The following VEPH1 variants were observed in gnomAD, a reference collection of about 807,000 sequenced individuals.
VEPH1 encodes ventricular zone expressed PH domain containing 1, also known as ventricular zone-expressed PH domain-containing protein homolog 1.
A neutral mutation model predicts 85.2 loss-of-function variants in VEPH1; 80 were observed. The observed-to-expected ratio is 0.94, with a 90% CI of 0.78 to 1.13. VEPH1 has a LOEUF of 1.13. VEPH1 is among the 50% of genes most tolerant of loss of function. The pLI is 0.00. For synonymous variants in VEPH1, 297 were observed against 348.0 expected, an observed-to-expected ratio of 0.85 and a Z score of 1.63; for missense variants, 955 against 980.5, an observed-to-expected ratio of 0.97 and a Z score of 0.35.
intron 4 of VEPH1, among the ~76,000 whole-genome samples, chr3:157,444,564 C>T (rs140322036): frequency 1.7e-4 from 26 of 152,282 alleles, no homozygotes; most frequent in African/African-American, 5.8e-4. Flanking sequence ...ACACTGGGCA[C>T]ATGCAAAGTC....
At chr3:157,295,984 G>T (rs1718085564) in intron 11 of VEPH1, among the ~76,000 whole-genome samples, 1 of 151,878 alleles carries the variant, frequency 6.6e-6, no homozygotes, top group Non-Finnish European at 1.5e-5. Flanking sequence ...AATAAATTAT[G>T]GTCTATTTAC....
intron 4 of VEPH1, chr3:157,437,104 A>G (rs763314610): frequency 3.1e-6 from 5 of 1,603,222 alleles, no homozygotes; most frequent in Non-Finnish European, 3.4e-6. Flanking sequence ...CCCTGACTAC[A>G]TATCCACCTC....
At chr3:157,277,477 C>A (rs1371830388) in intron 12 of VEPH1, among the ~76,000 whole-genome samples, 1 of 152,186 alleles carries the variant, frequency 6.6e-6, no homozygotes, top group Non-Finnish European at 1.5e-5. Flanking sequence ...AACCATTGTC[C>A]TACCTGCCTG....
At position 157,409,788 on chromosome 3, in the gene VEPH1, TA is replaced by T. The variant is rs553414108; in HGVS notation, c.906+4092del. On this transcript the variant is annotated intron_variant, in intron 6 of 13. Coordinates refer to ENST00000362010, the MANE Select transcript of VEPH1 (RefSeq NM_001167912.2). The stretch of plus-strand genomic sequence containing the variant: ...TTATGCAAGCACAGAAGGTGAGGCA[TA>T]AGCCAATCAATAACTTGTGTGATTC... 766 of 985,354 alleles carry T rather than the reference TA, an allele frequency of 7.8e-4. 1 individual carries two copies. Among genetic ancestry groups the T allele is most frequent in the Non-Finnish European group, 8.6e-4 (713 of 829,920 alleles). 61.0% of individuals were successfully genotyped at this position (985,354 alleles called of 1,614,324 possible). A position where few individuals can be genotyped will look rare whatever the true frequency, so the allele number is the denominator to read the frequency against.
At chr3:157,439,012 GTTTCATTTAAA>G (rs1733904434) in intron 4 of VEPH1, among the ~76,000 whole-genome samples, 1 of 152,182 alleles carries the variant, frequency 6.6e-6, no homozygotes, top group Non-Finnish European at 1.5e-5. Context: ...ATGAGAGCAT[GTTTCATTTAAA>G]GTTACAGAAA....
intron 9 of VEPH1, among the ~76,000 whole-genome samples, chr3:157,322,833 T>C (rs1037457428): frequency 2.0e-5 from 3 of 152,194 alleles, no homozygotes; most frequent in African/African-American, 7.2e-5. Flanking sequence ...AATGAATAAA[T>C]AATACTGTCA....
chr3:157,478,089 T>A (rs903758449), intron 2 of VEPH1, among the ~76,000 whole-genome samples: 22 of 152,312 alleles, frequency 1.4e-4, no homozygotes, highest in African/African-American at 2.9e-4. Flanking sequence ...TAGCCAAGTC[T>A]GCCTATAGAA....
At chr3:157,317,393 T>G (rs1720861788) in intron 9 of VEPH1, among the ~76,000 whole-genome samples, 192 bp from the exon 10 acceptor site, 2 of 152,184 alleles carry the variant, frequency 1.3e-5, no homozygotes, top group Admixed American at 6.5e-5. Flanking sequence ...AGATTTTAAA[T>G]TATTATTATT....
chr3:157,400,774 T>A (rs1730736374), intron 6 of VEPH1, among the ~76,000 whole-genome samples: 1 of 152,176 alleles, frequency 6.6e-6, no homozygotes, highest in Non-Finnish European at 1.5e-5. Flanking sequence ...TATGGAAGTC[T>A]ATCTAATTTT....
chr3:157,382,958 T>C (rs1332733935), intron 6 of VEPH1, among the ~76,000 whole-genome samples: 1 of 152,118 alleles, frequency 6.6e-6, no homozygotes, highest in African/African-American at 2.4e-5. Context: ...CAGTCTCCTA[T>C]GTAGGTGCAC....
intron 8 of VEPH1, 121 bp downstream of exon 8, chr3:157,364,182 G>T: frequency 1.4e-6 from 1 of 705,276 alleles, no homozygotes; most frequent in South Asian, 2.0e-5. Flanking sequence ...TTCATGTAAG[G>T]ATGGCACTTT....
At chr3:157,357,326 C>A (rs1577429951) in intron 9 of VEPH1, among the ~76,000 whole-genome samples, 1 of 152,176 alleles carries the variant, frequency 6.6e-6, no homozygotes, top group African/African-American at 2.4e-5. Context: ...CAGATAACTG[C>A]TCCTGGATCT....
At chr3:157,502,801 C>T (rs1391859056) in intron 1 of VEPH1, among the ~76,000 whole-genome samples, 3 of 152,084 alleles carry the variant, frequency 2.0e-5, no homozygotes, top group South Asian at 2.1e-4. Flanking sequence ...AAGGAAAAAA[C>T]GGCAGCAGCA....
chr3:157,449,729 C>T (rs1000426063), intron 4 of VEPH1, among the ~76,000 whole-genome samples: 3 of 152,118 alleles, frequency 2.0e-5, no homozygotes, highest in African/African-American at 4.8e-5. Flanking sequence ...ACCTCTGTTG[C>T]TATTTTATCA....
intron 6 of VEPH1, among the ~76,000 whole-genome samples, chr3:157,389,134 T>C (rs1423713115): frequency 6.6e-6 from 1 of 152,188 alleles, no homozygotes. Context: ...TGTGTTTCTG[T>C]TTAAAGCTAT....
At chr3:157,447,594 CTT>C (rs10719525) in intron 4 of VEPH1, among the ~76,000 whole-genome samples, 54 of 133,000 alleles carry the variant, frequency 4.1e-4, no homozygotes, top group East Asian at 1.1e-3. Flanking sequence ...TGCTTCCAAT[CTT>C]TTTTTTTTTT....
At chr3:157,415,714 C>A (rs1230520314) in intron 5 of VEPH1, among the ~76,000 whole-genome samples, 1 of 152,162 alleles carries the variant, frequency 6.6e-6, no homozygotes, top group African/African-American at 2.4e-5. Flanking sequence ...CCAGTTCCCA[C>A]TACACATCAC....
At chr3:157,297,163 G>A (rs12490120) in intron 11 of VEPH1, among the ~76,000 whole-genome samples, 69,474 of 152,000 alleles carry the variant, frequency 0.46, 16,653 homozygotes, top group Admixed American at 0.6. Flanking sequence ...CTTTTTATGT[G>A]TGTAAAATAT....
At chr3:157,354,121 C>T (rs1429838379) in intron 9 of VEPH1, among the ~76,000 whole-genome samples, 1 of 152,088 alleles carries the variant, frequency 6.6e-6, no homozygotes, top group Non-Finnish European at 1.5e-5. Flanking sequence ...ACCAATGTGT[C>T]GCTGTGGTGA....
Sources: gnomAD v4.1 joint callset for allele counts (sites outside exome capture counted in the v4.1 genomes callset) on GRCh38, gnomAD v4.1.1 for gene constraint, MANE v1.5 for transcripts, NCBI Gene and HGNC (gene_info 2026-07-23, HGNC 2026-07-21) for gene names.